Variants in NPAS3 observed in about 807,000 individuals in gnomAD.
The protein encoded by NPAS3 is neuronal PAS domain protein 3.
Under a neutral mutation model 73.1 loss-of-function variants are expected in NPAS3, and 14 were observed. The observed-to-expected ratio is 0.19, with a 90% CI of 0.13 to 0.30. NPAS3 has a LOEUF of 0.30. Ranked by LOEUF, NPAS3 falls within the 10% of genes least tolerant of loss-of-function variation. The pLI is 1.00. For missense variants in NPAS3, 1,096 were observed against 1,250.0 expected, an observed-to-expected ratio of 0.88 and a Z score of 1.86; for synonymous variants, 620 against 541.5, an observed-to-expected ratio of 1.14 and a Z score of -2.01.
intron 7 of NPAS3, among the ~76,000 whole-genome samples, chr14:33,769,743 G>A (rs1595580680): frequency 1.1e-5 from 1 of 89,614 alleles, no homozygotes; most frequent in African/African-American, 4.1e-5. Context: ...TGAAAGACTT[G>A]GATTTTTTTT....
intron 5 of NPAS3, among the ~76,000 whole-genome samples, chr14:33,627,491 C>T (rs7140900): frequency 0.16 from 24,720 of 152,060 alleles, 2,622 homozygotes; most frequent in African/African-American, 0.3. Flanking sequence ...TAGACCCCAA[C>T]TGCAGATCCT....
At chr14:33,747,406 G>A (rs1251698474) in intron 7 of NPAS3, among the ~76,000 whole-genome samples, 1 of 152,204 alleles carries the variant, frequency 6.6e-6, no homozygotes, top group African/African-American at 2.4e-5. Context: ...GGAATCTGGA[G>A]CTGATAGCTC....
chr14:33,697,511 G>T (rs1349827772), intron 6 of NPAS3, among the ~76,000 whole-genome samples: 1 of 152,130 alleles, frequency 6.6e-6, no homozygotes, highest in Non-Finnish European at 1.5e-5. Flanking sequence ...TGTGTTTATG[G>T]CAGTGATACA....
chr14:33,417,729 A>C (rs2048206629), intron 4 of NPAS3, among the ~76,000 whole-genome samples: 2 of 151,972 alleles, frequency 1.3e-5, no homozygotes, highest in South Asian at 4.1e-4. Flanking sequence ...GTAAGTTATA[A>C]AGCAACCTGG....
At chr14:33,493,569 A>C (rs1206959585) in intron 4 of NPAS3, among the ~76,000 whole-genome samples, 1 of 152,096 alleles carries the variant, frequency 6.6e-6, no homozygotes, top group Non-Finnish European at 1.5e-5. Context: ...GGCGTGCCCC[A>C]TGTTACCTCA....
At chr14:33,538,174 A>G (rs1219147452) in intron 4 of NPAS3, among the ~76,000 whole-genome samples, 1 of 152,178 alleles carries the variant, frequency 6.6e-6, no homozygotes, top group Non-Finnish European at 1.5e-5. Context: ...GGTTGTCCTT[A>G]TCCCATTCAG....
At chr14:33,752,227 A>G (rs1240444647) in intron 7 of NPAS3, among the ~76,000 whole-genome samples, 1 of 152,124 alleles carries the variant, frequency 6.6e-6, no homozygotes, top group East Asian at 1.9e-4. Context: ...AGTTGCTTTC[A>G]GCTGCTTCAT....
chr14:33,740,503 A>T (rs1212104970), intron 7 of NPAS3, among the ~76,000 whole-genome samples: 1 of 152,256 alleles, frequency 6.6e-6, no homozygotes, highest in Non-Finnish European at 1.5e-5. Flanking sequence ...AAAACTGTTG[A>T]CAGTACCAAG....
chr14:33,186,868 T>G (rs1324803432), intron 2 of NPAS3, among the ~76,000 whole-genome samples: 2 of 152,158 alleles, frequency 1.3e-5, no homozygotes, highest in African/African-American at 4.8e-5. Flanking sequence ...TCTGGAGCCA[T>G]TTTTGGCTGC....
At chr14:33,261,280 T>A (rs1382424095) in intron 3 of NPAS3, among the ~76,000 whole-genome samples, 1 of 143,440 alleles carries the variant, frequency 7.0e-6, no homozygotes, top group African/African-American at 2.6e-5. Flanking sequence ...TAAAGAATTC[T>A]CAGCTCTTTA....
At chr14:33,273,782 G>A (rs948017101) in intron 3 of NPAS3, among the ~76,000 whole-genome samples, 2 of 152,110 alleles carry the variant, frequency 1.3e-5, no homozygotes, top group Admixed American at 6.6e-5. Flanking sequence ...TACTTGTTTT[G>A]TTGTATCTCC....
chr14:33,488,767 T>C (rs769489402), intron 4 of NPAS3, among the ~76,000 whole-genome samples: 1 of 152,158 alleles, frequency 6.6e-6, no homozygotes, highest in Non-Finnish European at 1.5e-5. Context: ...GTTCTGGGTG[T>C]GCACAGAGCT....
In NPAS3 at chr14:33,244,552, AGCTT is replaced by A. The variant is rs535311987; in HGVS notation, c.385+29131_385+29134del. The stretch of plus-strand genomic sequence containing the variant: ...ATATTTATCTGCAAATTTTTTTGGT[AGCTT>A]GCTTTCTTTTAATTTTGTCTCCTAC... On this transcript the variant is annotated intron_variant, in intron 3 of 11. Transcript: ENST00000356141. 2.6e-5 allele frequency among the ~76,000 whole-genome samples: 4 copies of A among 151,836 alleles called. No homozygotes were observed. In the South Asian group the frequency reaches 8.3e-4, roughly 32 times the overall value.
At chr14:32,957,356 A>G (rs1244950690) in intron 1 of NPAS3, among the ~76,000 whole-genome samples, 1 of 151,458 alleles carries the variant, frequency 6.6e-6, no homozygotes, top group Non-Finnish European at 1.5e-5. Context: ...GTGGGTTATT[A>G]TAAGTATTCA....
chr14:33,242,653 T>G (rs1448893276), intron 3 of NPAS3, among the ~76,000 whole-genome samples: 1 of 152,086 alleles, frequency 6.6e-6, no homozygotes, highest in Non-Finnish European at 1.5e-5. Flanking sequence ...TGTGGCTTTT[T>G]CTTAGAGATT....
intron 2 of NPAS3, among the ~76,000 whole-genome samples, chr14:33,123,268 G>A (rs1368711548): frequency 6.6e-6 from 1 of 151,986 alleles, no homozygotes; most frequent in Non-Finnish European, 1.5e-5. Context: ...TTGGAGTTAT[G>A]GGGATTTGGG....
At chr14:33,065,622 T>C (rs1286760913) in intron 2 of NPAS3, among the ~76,000 whole-genome samples, 1 of 152,054 alleles carries the variant, frequency 6.6e-6, no homozygotes, top group East Asian at 1.9e-4. Flanking sequence ...ATTTATGTGG[T>C]TAAATAGACT....
intron 2 of NPAS3, among the ~76,000 whole-genome samples, chr14:33,213,386 G>A (rs1400406199): frequency 6.6e-6 from 1 of 152,108 alleles, no homozygotes; most frequent in African/African-American, 2.4e-5. Context: ...ATTTCTTTTG[G>A]CACAGCTAAC....
chr14:32,957,834 A>C (rs988906697), intron 1 of NPAS3, among the ~76,000 whole-genome samples: 34 of 152,134 alleles, frequency 2.2e-4, no homozygotes, highest in Non-Finnish European at 2.9e-5. Flanking sequence ...TTAATCCTGA[A>C]TTTGGTGGTA....
Sources: allele counts gnomAD v4.1 joint callset (sites outside exome capture counted in the v4.1 genomes callset), GRCh38; gene constraint gnomAD v4.1.1; transcripts MANE v1.5; gene names NCBI Gene and HGNC (gene_info 2026-07-23, HGNC 2026-07-21).